The following RORA variants were observed in gnomAD, a reference collection of about 807,000 sequenced individuals.
RORA encodes nuclear receptor ROR-alpha.
Under a neutral mutation model 69.5 loss-of-function variants are expected in RORA, and 7 were observed. That is an observed-to-expected ratio of 0.10 (90% CI 0.06 to 0.19). The LOEUF is 0.19. Among genes scored for constraint, RORA ranks in the 10% least tolerant of loss-of-function variants. RORA has a pLI of 1.00. For synonymous variants in RORA, 261 were observed against 240.8 expected (o/e 1.08, Z -0.78); for missense variants, 457 against 663.0 (o/e 0.69, Z 3.41).
intron 1 of RORA, among the ~76,000 whole-genome samples, chr15:60,883,272 T>A (rs754826646): frequency 2.5e-4 from 38 of 151,690 alleles, no homozygotes; most frequent in Non-Finnish European, 4.7e-4. Context: ...GCATTACGAA[T>A]CATAGGAAAA....
chr15:60,706,331 C>T (rs117786332), intron 1 of RORA: 1 of 152,390 alleles, frequency 6.6e-6, no homozygotes, highest in Non-Finnish European at 1.5e-5. Context: ...TCAAGCAGCA[C>T]ATCAGCCATG....
intron 1 of RORA, among the ~76,000 whole-genome samples, chr15:61,099,502 G>A (rs1418824067): frequency 6.6e-6 from 1 of 152,192 alleles, no homozygotes; most frequent in African/African-American, 2.4e-5. Flanking sequence ...GGAAAGGTAA[G>A]CTCACACATC....
chr15:61,117,970 T>C (rs2079065664), intron 1 of RORA, among the ~76,000 whole-genome samples: 1 of 152,202 alleles, frequency 6.6e-6, no homozygotes, highest in Non-Finnish European at 1.5e-5. Context: ...CTCCACTTGA[T>C]AACTCTGCAA....
chr15:60,502,979 T>G, intron 7 of RORA, 112 bp from the exon 8 acceptor site: 2 of 791,528 alleles, frequency 2.5e-6, no homozygotes, highest in South Asian at 2.8e-5. Flanking sequence ...GGGTGTCGTG[T>G]GCAGTTTAGC....
intron 2 of RORA, among the ~76,000 whole-genome samples, chr15:60,603,159 C>T (rs909614167): frequency 6.6e-6 from 1 of 152,056 alleles, no homozygotes; most frequent in African/African-American, 2.4e-5. Context: ...TTATTCATTC[C>T]TCAATTGAAG....
intron 1 of RORA, among the ~76,000 whole-genome samples, chr15:61,225,915 C>T (rs2080141793): frequency 1.3e-5 from 2 of 152,008 alleles, no homozygotes; most frequent in African/African-American, 4.8e-5. Context: ...TAAGATGGAA[C>T]TGAGTGACAC....
chr15:60,731,985 G>A (rs977837384), intron 1 of RORA, among the ~76,000 whole-genome samples: 3 of 152,168 alleles, frequency 2.0e-5, no homozygotes, highest in Admixed American at 1.3e-4. Flanking sequence ...TAGAAGTTCC[G>A]AATAGGCGAA....
chr15:61,099,624 C>G (rs1374858278), intron 1 of RORA, among the ~76,000 whole-genome samples: 1 of 152,188 alleles, frequency 6.6e-6, no homozygotes, highest in Non-Finnish European at 1.5e-5. Flanking sequence ...ACGCATACCT[C>G]CTACCGAAAA....
At chr15:61,031,421 T>A (rs1299581870) in intron 1 of RORA, among the ~76,000 whole-genome samples, 1 of 152,154 alleles carries the variant, frequency 6.6e-6, no homozygotes, top group Non-Finnish European at 1.5e-5. Flanking sequence ...CTTGGTCTGG[T>A]TTTCCTGAGA....
intron 1 of RORA, among the ~76,000 whole-genome samples, chr15:60,952,261 C>A (rs1893131168): frequency 6.6e-6 from 1 of 152,032 alleles, no homozygotes; most frequent in Admixed American, 6.6e-5. Flanking sequence ...TAAAAACTCT[C>A]AATAAATTAG....
intron 1 of RORA, among the ~76,000 whole-genome samples, chr15:61,087,284 A>T (rs1322912804): frequency 2.0e-5 from 3 of 152,254 alleles, no homozygotes; most frequent in African/African-American, 2.4e-5. Flanking sequence ...CTTACACTTA[A>T]AGATGTGATG....
chr15:61,225,102 G>C (rs914049091), intron 1 of RORA, among the ~76,000 whole-genome samples: 10 of 151,886 alleles, frequency 6.6e-5, no homozygotes, highest in African/African-American at 2.4e-4. Flanking sequence ...CAACAGAAAA[G>C]GTTATCATAA....
chr15:60,572,011 A>G (rs1016413704), intron 2 of RORA, among the ~76,000 whole-genome samples: 1 of 152,220 alleles, frequency 6.6e-6, no homozygotes, highest in Non-Finnish European at 1.5e-5. Flanking sequence ...GGAGTAGCTC[A>G]TGAATCCCAG....
chr15:61,119,583 G>C (rs1337328639), intron 1 of RORA, among the ~76,000 whole-genome samples: 5 of 151,874 alleles, frequency 3.3e-5, no homozygotes, highest in African/African-American at 9.7e-5. Flanking sequence ...TGCTGGGATT[G>C]CAGGCCACCA....
intron 1 of RORA, among the ~76,000 whole-genome samples, chr15:60,715,409 G>A (rs934727073): frequency 6.6e-6 from 1 of 152,188 alleles, no homozygotes; most frequent in Admixed American, 6.5e-5. Context: ...GTGTCCCAGC[G>A]ACAGGCTGGT....
chr15:60,584,461 T>C (rs958168085), intron 2 of RORA, among the ~76,000 whole-genome samples: 2 of 152,226 alleles, frequency 1.3e-5, no homozygotes, highest in African/African-American at 2.4e-5. Flanking sequence ...TTATAGCAAA[T>C]GCAAATGTGT....
At position 60,511,474 on chromosome 15, in the gene RORA, T is replaced by C. The variant is rs1335002896; in HGVS notation, c.572A>G (p.Asn191Ser). Reference sequence around the variant, plus strand: ...GTCGTCGTGAAGTTCCGTCAGCCCGTTGGCCGAGATGTTGTAGGTGGGCGT... The same window carrying C: ...GTCGTCGTGAAGTTCCGTCAGCCCGCTGGCCGAGATGTTGTAGGTGGGCGT... The part of the protein sequence containing the change: ...PLTPTYNISA[N>S]GLTELHDDLS... Residue 191 changes from asparagine to serine, a missense_variant, in exon 5 of 11, where the codon AAC (asparagine) becomes AGC (serine). Coordinates refer to ENST00000335670, the MANE Select transcript of RORA (RefSeq NM_134261.3). The surrounding 1 kb of genome is among the most constrained non-coding windows in gnomAD (Gnocchi z 6.4). The C allele has an allele frequency of 1.2e-6, 2 of 1,614,142 alleles. No homozygotes were observed. The highest frequency in any genetic ancestry group is 1.3e-5 in the African/African-American group (1 of 75,022).
At chr15:61,117,901 G>T (rs988949389) in intron 1 of RORA, among the ~76,000 whole-genome samples, 1 of 152,142 alleles carries the variant, frequency 6.6e-6, no homozygotes, top group African/African-American at 2.4e-5. Flanking sequence ...ACATACAAAA[G>T]AATTAGCTTA....
intron 1 of RORA, among the ~76,000 whole-genome samples, chr15:60,907,016 A>T (rs952289816): frequency 1.3e-5 from 2 of 152,204 alleles, no homozygotes; most frequent in Admixed American, 1.3e-4. Context: ...CCAAGCAGCT[A>T]GAAGGAGGGA....
Sources: gnomAD v4.1 joint callset for allele counts (sites outside exome capture counted in the v4.1 genomes callset) on GRCh38, gnomAD v4.1.1 for gene constraint, Gnocchi (gnomAD v3.1) non-coding constraint, MANE v1.5 for transcripts, NCBI Gene and HGNC (gene_info 2026-07-23, HGNC 2026-07-21) for gene names.